Variants in SDC3 observed in about 807,000 individuals in gnomAD.
SDC3 encodes the protein syndecan 3, also known as syndecan-3.
Under a neutral mutation model 24.4 loss-of-function variants are expected in SDC3, and 13 were observed. That is an observed-to-expected ratio of 0.53 (90% CI 0.35 to 0.85). The LOEUF (loss-of-function observed/expected upper bound fraction) is 0.85. Among genes scored for constraint, SDC3 ranks in the 40% least tolerant of loss-of-function variants. The probability of loss-of-function intolerance (pLI) is 0.01; values close to 1 mark genes in which losing one functional copy is unlikely to be tolerated. For synonymous variants in SDC3, 295 were observed against 260.9 expected (o/e 1.13, Z -1.26); for missense variants, 571 against 584.5 (o/e 0.98, Z 0.24).
chr1:30,894,406 A>ATG (rs1266357817), intron 1 of SDC3, among the ~76,000 whole-genome samples: 5 of 51,612 alleles, frequency 9.7e-5, no homozygotes, highest in Non-Finnish European at 3.4e-5. Flanking sequence ...GGGAGTGAGA[A>ATG]TGTGTGTGTG....
At chr1:30,907,170 T>G (rs1363807070) in intron 1 of SDC3, among the ~76,000 whole-genome samples, 1 of 152,144 alleles carries the variant, frequency 6.6e-6, no homozygotes, top group East Asian at 1.9e-4. Flanking sequence ...CTTTTCAGCC[T>G]GGGGGATGCA....
chr1:30,900,305 C>T lies in SDC3; in HGVS notation c.138+8144G>A, dbSNP rs1015352631. On this transcript the variant is annotated intron_variant, in intron 1 of 4. Coordinates refer to ENST00000339394, the MANE Select transcript of SDC3 (RefSeq NM_014654.4). ...ATGACATGCAGCAGTAAGTATTGGC[C>T]GTTATCTTTCTCATCATCTTCCTCG... Among the ~76,000 whole-genome samples, 5 of 152,166 alleles carry T rather than the reference C, an allele frequency of 3.3e-5. 1 individual carries two copies. The highest frequency in any genetic ancestry group is 2.6e-4 in the Admixed American group (4 of 15,276).
chr1:30,898,786 G>C (rs1207079843), intron 1 of SDC3, among the ~76,000 whole-genome samples: 1 of 152,170 alleles, frequency 6.6e-6, no homozygotes, highest in African/African-American at 2.4e-5. Flanking sequence ...AGACTACAAG[G>C]GCCCCTGGGT....
chr1:30,908,009 C>T (rs910770970), intron 1 of SDC3, among the ~76,000 whole-genome samples: 4 of 152,204 alleles, frequency 2.6e-5, no homozygotes, highest in Non-Finnish European at 4.4e-5. Context: ...GGGACGGCGA[C>T]CCCCAGCCCG....
At chr1:30,893,831 C>A (rs996239214) in intron 1 of SDC3, among the ~76,000 whole-genome samples, 3 of 152,172 alleles carry the variant, frequency 2.0e-5, no homozygotes, top group East Asian at 1.9e-4. Context: ...CCTGCTACCC[C>A]CTAGCCTGCC....
At chr1:30,896,993 A>C (rs1638277022) in intron 1 of SDC3, among the ~76,000 whole-genome samples, 1 of 152,158 alleles carries the variant, frequency 6.6e-6, no homozygotes, top group Non-Finnish European at 1.5e-5. Context: ...GTGGGAAGGC[A>C]AAGGGATGAG....
chr1:30,894,127 G>A (rs1411675954), intron 1 of SDC3, among the ~76,000 whole-genome samples: 1 of 151,940 alleles, frequency 6.6e-6, no homozygotes. Flanking sequence ...AGCAGTGTGT[G>A]TGTGTGAGAG....
intron 1 of SDC3, among the ~76,000 whole-genome samples, chr1:30,881,644 G>A (rs1639746948): frequency 6.6e-6 from 1 of 152,202 alleles, no homozygotes; most frequent in Non-Finnish European, 1.5e-5. Context: ...CAGGGGAGCC[G>A]CTGAGCGTTC....
chr1:30,890,492 T>C (rs1050188865), intron 1 of SDC3, among the ~76,000 whole-genome samples: 29 of 152,170 alleles, frequency 1.9e-4, no homozygotes, highest in African/African-American at 6.8e-4. Flanking sequence ...CCTGCAGGGA[T>C]TGTGGAGAAA....
intron 1 of SDC3, among the ~76,000 whole-genome samples, chr1:30,907,900 C>G (rs1024998786): frequency 2.0e-5 from 3 of 152,216 alleles, no homozygotes; most frequent in African/African-American, 7.2e-5. Context: ...ACCCTCCCCT[C>G]GGAAGGGGAA....
Position 30,874,277 on chromosome 1 carries a change from G to A in SDC3, c.1162+20C>T. On this transcript the variant is annotated intron_variant, in intron 4 of 4. Transcript: ENST00000339394. ...CTGGTATCCTCCCAGGCTCCCCTTG[G>A]CCCAGACCCCAAGCCTCACCTACGA... 1 of 1,583,280 alleles carries A rather than the reference G, an allele frequency of 6.3e-7. No homozygotes were observed. The highest frequency in any genetic ancestry group is 8.6e-7 in the Non-Finnish European group (1 of 1,164,376).
intron 1 of SDC3, among the ~76,000 whole-genome samples, chr1:30,891,128 G>A (rs997894601): frequency 6.6e-6 from 1 of 152,168 alleles, no homozygotes; most frequent in Non-Finnish European, 1.5e-5. Context: ...CTCACCCCTG[G>A]CTGCCCTCAG....
intron 1 of SDC3, among the ~76,000 whole-genome samples, chr1:30,879,555 A>G (rs1408030592): frequency 6.6e-6 from 1 of 152,140 alleles, no homozygotes; most frequent in African/African-American, 2.4e-5. Context: ...CCCCTCCACA[A>G]CCTGAACCAG....
At chr1:30,907,769 A>G (rs1401717271) in intron 1 of SDC3, among the ~76,000 whole-genome samples, 1 of 151,890 alleles carries the variant, frequency 6.6e-6, no homozygotes, top group Non-Finnish European at 1.5e-5. Context: ...ACGCCCACAC[A>G]CAGGGTTACC....
chr1:30,894,588 CGT>C (rs371809918), intron 1 of SDC3, among the ~76,000 whole-genome samples: 11 of 100,820 alleles, frequency 1.1e-4, no homozygotes, highest in South Asian at 3.5e-4. Context: ...GTGTGGGCTA[CGT>C]GTGTGTGGGT....
chr1:30,873,165 G>C lies in SDC3; in HGVS notation c.*46C>G. ...GGCTGGTGGGGCCAGGCTGGGGACT[G>C]GACAGCAGGGTGGTGTTGAGGCTGC... On this transcript the variant is annotated 3_prime_UTR_variant, in exon 5 of 5. Coordinates refer to ENST00000339394, the MANE Select transcript of SDC3 (RefSeq NM_014654.4). The C allele has an allele frequency of 6.8e-7, 1 of 1,472,500 alleles. No homozygotes were observed. Among genetic ancestry groups the C allele is most frequent in the East Asian group, 2.3e-5 (1 of 44,008 alleles). 91.2% of individuals were successfully genotyped at this position (1,472,500 alleles called of 1,614,324 possible).
intron 1 of SDC3, chr1:30,878,950 C>T (rs1241120506): frequency 1.8e-6 from 1 of 541,382 alleles, no homozygotes. Flanking sequence ...TCCCAGAAGG[C>T]TTTCAGTGTC....
chr1:30,907,473 C>T (rs1009522803), intron 1 of SDC3, among the ~76,000 whole-genome samples: 1 of 152,180 alleles, frequency 6.6e-6, no homozygotes, highest in Non-Finnish European at 1.5e-5. Context: ...CCCCCATGCA[C>T]CTGCATGCAC....
chr1:30,890,826 T>A (rs893439777), intron 1 of SDC3, among the ~76,000 whole-genome samples: 1 of 152,086 alleles, frequency 6.6e-6, no homozygotes, highest in Non-Finnish European at 1.5e-5. Flanking sequence ...CATTTGAACA[T>A]CTTCTTACCA....
Sources: gnomAD v4.1 joint callset for allele counts (sites outside exome capture counted in the v4.1 genomes callset) on GRCh38, gnomAD v4.1.1 for gene constraint, MANE v1.5 for transcripts, NCBI Gene and HGNC (gene_info 2026-07-23, HGNC 2026-07-21) for gene names.